BMX: variants seen among roughly 807,000 people sequenced by gnomAD.
BMX encodes BMX non-receptor tyrosine kinase.
BMX carries 31 observed loss-of-function variants against 59.2 expected under a neutral mutation model. That is an observed-to-expected ratio of 0.52 (90% CI 0.39 to 0.71). BMX has a LOEUF of 0.71. Ranked by LOEUF, BMX falls within the 30% of genes least tolerant of loss-of-function variation. BMX has a pLI of 0.00. For synonymous variants in BMX, 185 were observed against 181.0 expected, an observed-to-expected ratio of 1.02 and a Z score of -0.18; for missense variants, 474 against 491.7, an observed-to-expected ratio of 0.96 and a Z score of 0.34.
At position 15,516,154 on chromosome X, in the gene BMX, G is replaced by T. The variant is rs1924145439; in HGVS notation, c.368G>T (p.Gly123Val). ...CACCTGCTGGTCAAGTACCATAGTG[G>T]GTTCTTCGTGGACGGGAAGTTCCTG... Reference protein sequence around the residue: ...NPHLLVKYHSGFFVDGKFLCC... With the variant: ...NPHLLVKYHSVFFVDGKFLCC... The change falls in exon 5 of 19, where the codon GGG becomes GTG. Residue 123 changes from glycine to valine, a missense_variant. Physicochemically the swap from Gly to Val is moderately radical, Grantham distance 109. Coordinates refer to ENST00000348343, the MANE Select transcript of BMX (RefSeq NM_203281.3). 8.3e-7 allele frequency: 1 copy of T among 1,211,184 alleles called. No homozygotes were observed. The highest frequency in any genetic ancestry group is 1.1e-6 in the Non-Finnish European group (1 of 894,979).
chrX:15,530,528 G>A (rs1416628149), intron 10 of BMX, among the ~76,000 whole-genome samples: 1 of 112,046 alleles, frequency 8.9e-6, no homozygotes, highest in Non-Finnish European at 1.9e-5. Flanking sequence ...CTCTGCTTTT[G>A]TTGTGTTTGC....
chrX:15,511,396 G>C, intron 3 of BMX, 41 bp from the exon 4 acceptor site: 2 of 1,102,102 alleles, frequency 1.8e-6, no homozygotes, highest in Non-Finnish European at 1.2e-6. Context: ...GTGAAGTATG[G>C]TGCAATTATA....
chrX:15,555,201 CTTTT>C (rs34118728), intron 18 of BMX, among the ~76,000 whole-genome samples: 3 of 41,603 alleles, frequency 7.2e-5, no homozygotes, highest in Non-Finnish European at 1.2e-4. Context: ...ACGAGGGAAG[CTTTT>C]TTTTTTTTTT....
chrX:15,522,211 C>T (rs182854030), intron 6 of BMX, 135 bp from the exon 7 acceptor site: 3 of 835,084 alleles, frequency 3.6e-6, no homozygotes, highest in Non-Finnish European at 5.1e-6. Context: ...TCCTTCCTCC[C>T]TTCCTCCCTC....
chrX:15,526,118 G>A (rs1041670910), intron 9 of BMX, 23 bp downstream of exon 9: 3 of 1,176,721 alleles, frequency 2.5e-6, no homozygotes, highest in African/African-American at 3.5e-5. Flanking sequence ...AGTCTTCTGG[G>A]TTCTTCTAAA....
chrX:15,505,271 G>A (rs918236984), intron 1 of BMX, among the ~76,000 whole-genome samples: 4 of 112,017 alleles, frequency 3.6e-5, no homozygotes, highest in Non-Finnish European at 7.5e-5. Flanking sequence ...AAACCACATG[G>A]TTTATCTTAG....
chrX:15,511,183 G>C (rs1053293991), intron 3 of BMX, among the ~76,000 whole-genome samples: 7 of 112,216 alleles, frequency 6.2e-5, no homozygotes, highest in African/African-American at 2.3e-4. Context: ...GGGTGTCCCT[G>C]ATGAGAACTC....
intron 18 of BMX, 56 bp downstream of exon 18, chrX:15,550,053 A>T (rs1455678401): frequency 4.4e-6 from 5 of 1,138,904 alleles, no homozygotes; most frequent in African/African-American, 1.8e-5. Context: ...CGGGGTGATT[A>T]CTGCATCACC....
At chrX:15,534,001 C>T (rs1036102346) in intron 11 of BMX, among the ~76,000 whole-genome samples, 4 of 111,534 alleles carry the variant, frequency 3.6e-5, no homozygotes, top group African/African-American at 1.3e-4. Context: ...CCAAAAGATA[C>T]ATTGAGTTCA....
chrX:15,510,470 G>A (rs764466953), intron 3 of BMX, among the ~76,000 whole-genome samples: 1 of 111,611 alleles, frequency 9.0e-6, no homozygotes, highest in East Asian at 2.8e-4. Flanking sequence ...AAGGCTGGGA[G>A]TTCAAGACTA....
chrX:15,531,898 C>T (rs142386505), intron 11 of BMX, among the ~76,000 whole-genome samples: 187 of 111,766 alleles, frequency 1.7e-3, no homozygotes, highest in African/African-American at 5.8e-3. Context: ...TACACAGCTT[C>T]CTTCCAGGGC....
intron 14 of BMX, among the ~76,000 whole-genome samples, chrX:15,541,004 C>T (rs909574094): frequency 8.5e-5 from 9 of 105,505 alleles, no homozygotes; most frequent in African/African-American, 2.4e-4. Flanking sequence ...CTAGAGACTC[C>T]GCTAGACATT....
chrX:15,529,395 C>T (rs1282739483), intron 9 of BMX, among the ~76,000 whole-genome samples: 7 of 111,808 alleles, frequency 6.3e-5, no homozygotes, highest in Non-Finnish European at 1.9e-5. Context: ...CCCACTCACC[C>T]AAACCCATGC....
At chrX:15,538,409 A>C (rs981970607) in intron 14 of BMX, among the ~76,000 whole-genome samples, 3 of 111,706 alleles carry the variant, frequency 2.7e-5, no homozygotes, top group African/African-American at 9.8e-5. Flanking sequence ...TAGAGAATCA[A>C]TCAGTATGGT....
intron 4 of BMX, among the ~76,000 whole-genome samples, chrX:15,515,228 T>G (rs1441051690): frequency 4.6e-5 from 5 of 109,686 alleles, no homozygotes; most frequent in Non-Finnish European, 9.5e-5. Flanking sequence ...AGATGATGGG[T>G]TGATGGGTGC....
At chrX:15,511,647 T>G in intron 4 of BMX, 129 bp downstream of exon 4, 1 of 518,063 alleles carries the variant, frequency 1.9e-6, no homozygotes, top group South Asian at 3.3e-5. Context: ...AATCTACTGA[T>G]TTTCCTACCA....
intron 17 of BMX, among the ~76,000 whole-genome samples, chrX:15,547,318 T>C (rs926838598): frequency 8.9e-6 from 1 of 111,856 alleles, no homozygotes; most frequent in Non-Finnish European, 1.9e-5. Flanking sequence ...AAAGGAGTCA[T>C]TGAAAGCTGA....
Position 15,551,458 on chromosome X carries a change from A to G in BMX, c.1953+1461A>G, listed in dbSNP as rs746885948. On this transcript the variant is annotated intron_variant, in intron 18 of 18. Coordinates refer to ENST00000348343, the MANE Select transcript of BMX (RefSeq NM_203281.3). ...TTTTGGGTGGATTGAATGAATTAGC[A>G]TTATAAAGGCCTTAGGACAATGCCT... 9.1e-5 allele frequency among the ~76,000 whole-genome samples: 10 copies of G among 110,304 alleles called. 1 individual carries two copies. In the South Asian group the frequency reaches 3.9e-3, roughly 43 times the overall value.
Position 15,522,529 on chromosome X carries a change from A to G in BMX, c.694A>G (p.Met232Val), listed in dbSNP as rs369745985. The change falls in exon 7 of 19, where the codon ATG (methionine) becomes GTG (valine). Residue 232 changes from methionine (M) to valine (V), a missense_variant. By Grantham distance (21) the Met-to-Val change is conservative. Coordinates refer to ENST00000348343, the MANE Select transcript of BMX (RefSeq NM_203281.3). ...CTATGGCTCCCAGCCAAACTTCAAC[A>G]TGCAGTATATTCCAAGGGAAGACTT... ...KIYGSQPNFN[M>V]QYIPREDFPD... The G allele has an allele frequency of 1.7e-6, 2 of 1,211,870 alleles. No homozygotes were observed. Among genetic ancestry groups the G allele is most frequent in the Admixed American group, 2.2e-5 (1 of 46,062 alleles).
Sources: allele counts gnomAD v4.1 joint callset (sites outside exome capture counted in the v4.1 genomes callset), GRCh38; gene constraint gnomAD v4.1.1; transcripts MANE v1.5; gene names NCBI Gene and HGNC (gene_info 2026-07-23, HGNC 2026-07-21).